The following TET3 variants were observed in gnomAD, a reference collection of about 807,000 sequenced individuals.
The protein encoded by TET3 is tet methylcytosine dioxygenase 3.
In TET3, 19 loss-of-function variants were observed where a neutral mutation model predicts 141.4. That is an observed-to-expected ratio of 0.13 (90% CI 0.09 to 0.20). The LOEUF (loss-of-function observed/expected upper bound fraction) is 0.20. Ranked by LOEUF, TET3 falls within the 10% of genes least tolerant of loss-of-function variation. The probability of loss-of-function intolerance (pLI) is 1.00; values close to 1 mark genes in which losing one functional copy is unlikely to be tolerated. For missense variants in TET3, 1,874 were observed against 2,356.9 expected, an observed-to-expected ratio of 0.80 and a Z score of 4.24; for synonymous variants, 1,043 against 980.9, an observed-to-expected ratio of 1.06 and a Z score of -1.18.
At position 74,046,471 on chromosome 2, in the gene TET3, C is replaced by G; in HGVS notation, c.554C>G (p.Ala185Gly). ...GACCAAAAGCCCGACTGGGAGGCTG[C>G]CCCAGGCCCAGCTCATACTGCTCGC... ...RVDQKPDWEA[A>G]PGPAHTARLE... The change falls in exon 4 of 12, where the codon GCC becomes GGC. Residue 185 changes from alanine (A) to glycine (G), a missense_variant. By Grantham distance (60) the Ala-to-Gly change is moderately conservative. This residue lies in a region of TET3 where 366 missense variants were observed against 487.0 expected (regional missense o/e 0.75). Coordinates refer to ENST00000409262, the MANE Select transcript of TET3 (RefSeq NM_001287491.2). The surrounding 1 kb of genome is among the most constrained non-coding windows in gnomAD (Gnocchi z 4.3). The G allele has an allele frequency of 6.2e-7, 1 of 1,612,362 alleles. No homozygotes were observed. The highest frequency in any genetic ancestry group is 8.5e-7 in the Non-Finnish European group (1 of 1,178,954).
intron 6 of TET3, among the ~76,000 whole-genome samples, chr2:74,082,885 C>T (rs1251793617): frequency 1.3e-5 from 2 of 152,090 alleles, no homozygotes; most frequent in Non-Finnish European, 2.9e-5. Context: ...AGCCCGGAGC[C>T]GGTTCTGTGG....
At chr2:74,128,598 A>T in the TET3 span, among the ~76,000 whole-genome samples, 6 of 152,146 alleles carry the variant, frequency 3.9e-5, no homozygotes, top group Non-Finnish European at 8.8e-5. Context: ...GGGAAACTGG[A>T]TGTGGGACAT....
At chr2:73,998,404 G>C (rs1684698288) in intron 2 of TET3, 1 of 152,522 alleles carries the variant, frequency 6.6e-6, no homozygotes, top group Non-Finnish European at 1.5e-5. Flanking sequence ...GGGAGGCCCT[G>C]GATGCATGCT....
intron 10 of TET3, among the ~76,000 whole-genome samples, chr2:74,096,672 G>T (rs933640733): frequency 1.3e-5 from 2 of 152,042 alleles, no homozygotes; most frequent in Admixed American, 1.3e-4. Context: ...GGAGGCTGAG[G>T]CAGGAGAATC....
chr2:74,047,604 C>A lies in TET3; in HGVS notation c.1687C>A (p.Pro563Thr). 3 of 1,613,878 alleles carry A rather than the reference C, an allele frequency of 1.9e-6. No homozygotes were observed. In the East Asian group the frequency reaches 6.7e-5, roughly 36 times the overall value. The stretch of plus-strand genomic sequence containing the variant: ...TTCTGCTCCTGGCTGGTGGCCCCCA[C>A]CAAGTTCACCTGTCCCACGGCTTCC... ...EPSAPGWWPP[P>T]SSPVPRLPDR... Residue 563 changes from proline (P) to threonine (T), a missense_variant, in exon 4 of 12, where the codon CCA (proline) becomes ACA (threonine). Transcript: ENST00000409262.
In TET3 at chr2:74,103,732, GTGTTGGTTTT is replaced by G. The variant is rs1284140434; in HGVS notation, c.*1558_*1567del. The G allele has an allele frequency of 3.9e-5, 6 of 153,564 alleles. No homozygotes were observed. The highest frequency in any genetic ancestry group is 8.8e-5 in the Non-Finnish European group (6 of 68,036). 9.5% of individuals were successfully genotyped at this position (153,564 alleles called of 1,614,324 possible). Reference sequence around the variant, plus strand: ...CATCACCAAGTCAAACTTTGTTGGAGTGTTGGTTTTTCTTGTGATATTAGCAGAAATGATC... The same window carrying G: ...CATCACCAAGTCAAACTTTGTTGGAGTCTTGTGATATTAGCAGAAATGATC... On this transcript the variant is annotated 3_prime_UTR_variant, in exon 12 of 12. Transcript: ENST00000409262.
At chr2:74,109,532 A>T (rs1256223998), downstream of TET3, among the ~76,000 whole-genome samples, 1 of 152,222 alleles carries the variant, frequency 6.6e-6, no homozygotes, top group Non-Finnish European at 1.5e-5. Flanking sequence ...CAAACTCTTT[A>T]ACATCCCAAG....
downstream of TET3, among the ~76,000 whole-genome samples, chr2:74,110,185 A>G (rs1329588322): frequency 2.6e-5 from 4 of 152,168 alleles, no homozygotes; most frequent in South Asian, 4.2e-4. Context: ...CTTTTGCCAA[A>G]TCAGGTCCAC....
the TET3 span, among the ~76,000 whole-genome samples, chr2:74,132,067 C>T: frequency 2.5e-4 from 38 of 152,124 alleles, no homozygotes; most frequent in Non-Finnish European, 5.4e-4. Flanking sequence ...CGGCTTGGCC[C>T]ACAAAGCCAC....
intron 3 of TET3, among the ~76,000 whole-genome samples, chr2:74,013,766 C>G (rs1212649488): frequency 6.6e-6 from 1 of 151,992 alleles, no homozygotes; most frequent in Non-Finnish European, 1.5e-5. Context: ...GAGCCGAGAT[C>G]GCACCACTGC....
rs1449608520 is a variant in TET3 at position 74,048,296 on chromosome 2, C to T, written c.2379C>T (p.Pro793=). 2 of 1,613,844 alleles carry T rather than the reference C, an allele frequency of 1.2e-6. No individual in the cohort carries two copies. Among genetic ancestry groups the T allele is most frequent in the East Asian group, 2.2e-5 (1 of 44,882 alleles). The part of the protein sequence containing the change: ...TPTKAENPLT[P]TLSGFLESPL... ...CCAAGGCTGAGAACCCACTCACACC[C>T]ACCCTCAGTGGCTTCTTGGAGTCAC... Residue 793 remains proline (P), a synonymous_variant, in exon 4 of 12, where the codon CCC becomes CCT. Transcript: ENST00000409262.
Position 74,101,547 on chromosome 2 carries a change from G to C in TET3, c.4759G>C (p.Gly1587Arg). 6.2e-7 allele frequency: 1 copy of C among 1,609,648 alleles called. No individual in the cohort carries two copies. Residue 1587 changes from glycine (G) to arginine (R), a missense_variant, in exon 12 of 12, where the codon GGA becomes CGA. Transcript: ENST00000409262. This position sits in a 1 kb window ranked among gnomAD's most constrained non-coding sequence, Gnocchi z 8.5. ...RAWQSFGLPL[G>R]SSEKLFGALK... ...CTGGCAGTCCTTTGGTCTGCCCCTG[G>C]GATCCAGCGAGAAGCTGTTTGGGGC...
At chr2:74,044,015 T>C (rs1687482377) in intron 3 of TET3, among the ~76,000 whole-genome samples, 1 of 151,816 alleles carries the variant, frequency 6.6e-6, no homozygotes, top group Admixed American at 6.6e-5. Flanking sequence ...AAAATAAAAA[T>C]AAAATAAATT....
chr2:74,125,495 G>T, the TET3 span, among the ~76,000 whole-genome samples: 125 of 152,250 alleles, frequency 8.2e-4, no homozygotes, highest in African/African-American at 3.0e-3. Flanking sequence ...GCTTTACATG[G>T]AAAGCTGCTA....
intron 4 of TET3, among the ~76,000 whole-genome samples, chr2:74,066,293 A>G (rs1159566160): frequency 6.6e-6 from 1 of 152,214 alleles, no homozygotes; most frequent in East Asian, 1.9e-4. Flanking sequence ...TTCCTAGCTC[A>G]GGATCCTTTA....
chr2:73,997,390 A>T (rs908779302), intron 2 of TET3, among the ~76,000 whole-genome samples: 1 of 152,086 alleles, frequency 6.6e-6, no homozygotes, highest in African/African-American at 2.4e-5. Context: ...TCCCTTAATG[A>T]TGCTGGGAAT....
At chr2:74,021,324 A>C (rs11884748) in intron 3 of TET3, among the ~76,000 whole-genome samples, 60,520 of 152,144 alleles carry the variant, frequency 0.4, 15,076 homozygotes, top group African/African-American at 0.71. Flanking sequence ...ATGCCTCCTT[A>C]CAGAGCAGAG....
At chr2:74,110,788 C>G (rs753071990), downstream of TET3, among the ~76,000 whole-genome samples, 1 of 152,106 alleles carries the variant, frequency 6.6e-6, no homozygotes, top group Non-Finnish European at 1.5e-5. Flanking sequence ...CCCTGCTGCT[C>G]GGTACCCCTG....
At chr2:74,084,606 C>T (rs1459864675) in intron 6 of TET3, among the ~76,000 whole-genome samples, 1 of 152,162 alleles carries the variant, frequency 6.6e-6, no homozygotes, top group Non-Finnish European at 1.5e-5. Flanking sequence ...GTGCCCACCA[C>T]CACGCCCAGC....
Sources: gnomAD v4.1 joint callset for allele counts (sites outside exome capture counted in the v4.1 genomes callset) on GRCh38, gnomAD v4.1.1 for gene constraint, gnomAD v4.1.1 regional missense constraint, Gnocchi (gnomAD v3.1) non-coding constraint, MANE v1.5 for transcripts, NCBI Gene and HGNC (gene_info 2026-07-23, HGNC 2026-07-21) for gene names.